Variants in HMGCLL1 observed in about 807,000 individuals in gnomAD.
HMGCLL1 encodes the protein 3-hydroxymethyl-3-methylglutaryl-CoA lyase, cytoplasmic.
Under a neutral mutation model 39.1 loss-of-function variants are expected in HMGCLL1, and 36 were observed. The ratio of observed to expected loss-of-function variants is 0.92; its 90% CI spans 0.71 to 1.22. HMGCLL1 has a LOEUF of 1.22. Among genes scored for constraint, HMGCLL1 ranks in the 50% most tolerant of loss-of-function variants. HMGCLL1 has a pLI of 0.00. For missense variants in HMGCLL1, 451 were observed against 416.5 expected (o/e 1.08, Z -0.72); for synonymous variants, 149 against 144.0 (o/e 1.03, Z -0.25).
intron 6 of HMGCLL1, among the ~76,000 whole-genome samples, chr6:55,497,536 T>C (rs2127425180): frequency 6.6e-6 from 1 of 152,258 alleles, no homozygotes; most frequent in African/African-American, 2.4e-5. Flanking sequence ...CTCATGTTAT[T>C]ACAGATCCTG....
the HMGCLL1 span, among the ~76,000 whole-genome samples, chr6:55,662,117 A>C: frequency 2.2e-3 from 331 of 151,942 alleles, 3 homozygotes; most frequent in African/African-American, 7.6e-3. Context: ...CAGATATAGA[A>C]TCATGTTGTC....
chr6:55,660,734 G>C, the HMGCLL1 span, among the ~76,000 whole-genome samples: 1 of 151,868 alleles, frequency 6.6e-6, no homozygotes, highest in African/African-American at 2.4e-5. Flanking sequence ...TATATAACCT[G>C]TAATGGGATT....
chr6:55,549,860 C>T lies in HMGCLL1; in HGVS notation c.109-7720G>A, dbSNP rs369295635. Among the ~76,000 whole-genome samples the T allele has an allele frequency of 3.8e-4, 58 of 151,944 alleles. 1 individual carries two copies. The Middle Eastern group carries it at 0.017, about 45-fold the overall frequency. ...TATGAGTTTTCAGCTTTATAATACA[C>T]TCTATTAAGCACAGTAAGACTACTC... On this transcript the variant is annotated intron_variant, in intron 1 of 8. Coordinates refer to ENST00000274901, the MANE Select transcript of HMGCLL1 (RefSeq NM_001042406.2).
At chr6:55,476,565 A>T (rs1765295720) in intron 7 of HMGCLL1, among the ~76,000 whole-genome samples, 1 of 151,410 alleles carries the variant, frequency 6.6e-6, no homozygotes, top group South Asian at 2.1e-4. Flanking sequence ...TCCTTTCCTT[A>T]TTGCACTGGC....
At chr6:55,498,165 G>A (rs1442190059) in intron 6 of HMGCLL1, among the ~76,000 whole-genome samples, 1 of 152,160 alleles carries the variant, frequency 6.6e-6, no homozygotes, top group African/African-American at 2.4e-5. Flanking sequence ...AAGGAAGAAA[G>A]CAAGTCTGCT....
At chr6:55,612,968 A>G in the HMGCLL1 span, among the ~76,000 whole-genome samples, 2 of 152,244 alleles carry the variant, frequency 1.3e-5, no homozygotes, top group African/African-American at 4.8e-5. Flanking sequence ...ATTAAACTAA[A>G]GAGCTTCTGC....
the HMGCLL1 span, among the ~76,000 whole-genome samples, chr6:55,641,802 C>T: frequency 6.6e-6 from 1 of 151,408 alleles, no homozygotes; most frequent in South Asian, 2.1e-4. Context: ...ATGGCTAAAA[C>T]AATCCTTGTA....
chr6:55,499,678 A>T (rs764123840), intron 5 of HMGCLL1, among the ~76,000 whole-genome samples: 1 of 152,080 alleles, frequency 6.6e-6, no homozygotes. Context: ...TTGGAAACAT[A>T]CAAGGAGATC....
intron 3 of HMGCLL1, among the ~76,000 whole-genome samples, chr6:55,538,076 C>T (rs888386884): frequency 4.6e-5 from 7 of 151,996 alleles, no homozygotes; most frequent in Non-Finnish European, 7.4e-5. Flanking sequence ...ATTATTTCTG[C>T]CTTATCCTTC....
In HMGCLL1 at chr6:55,495,513, T is replaced by G; in HGVS notation, c.701A>C (p.Glu234Ala). ...TGGTGGGATTTCTTTCATCACACTT[T>G]CCAACATTCTTTTCATACTTCCTGG... ...GTPGSMKRML[E>A]SVMKEIPPGA... Residue 234 changes from glutamate (E) to alanine (A), a missense_variant, in exon 7 of 9, where the codon GAA becomes GCA. Transcript: ENST00000274901. The G allele has an allele frequency of 6.2e-7, 1 of 1,613,954 alleles. No individual in the cohort carries two copies. The highest frequency in any genetic ancestry group is 8.5e-7 in the Non-Finnish European group (1 of 1,179,874).
At chr6:55,647,745 C>CTTTTTTTTTTTTTTTTTTTTTT in the HMGCLL1 span, among the ~76,000 whole-genome samples, 45 of 115,848 alleles carry the variant, frequency 3.9e-4, no homozygotes, top group African/African-American at 5.9e-4. Context: ...TTTTTTTTTC[C>CTTTTTTTTTTTTTTTTTTTTTT]TTTTTTTTTT....
the HMGCLL1 span, among the ~76,000 whole-genome samples, chr6:55,621,369 G>A: frequency 6.6e-6 from 1 of 152,024 alleles, no homozygotes; most frequent in Non-Finnish European, 1.5e-5. Flanking sequence ...TTAGAAACTG[G>A]GCAACACAAC....
intron 7 of HMGCLL1, among the ~76,000 whole-genome samples, chr6:55,489,175 G>A (rs1252867422): frequency 3.3e-5 from 5 of 151,866 alleles, no homozygotes; most frequent in East Asian, 1.9e-4. Flanking sequence ...AGAAAAAATT[G>A]AAAATAAACA....
intron 8 of HMGCLL1, among the ~76,000 whole-genome samples, chr6:55,436,825 G>T (rs1358107924): frequency 6.6e-6 from 1 of 151,928 alleles, no homozygotes; most frequent in Non-Finnish European, 1.5e-5. Flanking sequence ...TTTGTAAAGT[G>T]ATACTTGTAA....
chr6:55,489,162 G>A (rs1462933951), intron 7 of HMGCLL1, among the ~76,000 whole-genome samples: 1 of 151,978 alleles, frequency 6.6e-6, no homozygotes, highest in Non-Finnish European at 1.5e-5. Flanking sequence ...GAACTTTCAA[G>A]TGAGAAAAAA....
intron 1 of HMGCLL1, among the ~76,000 whole-genome samples, chr6:55,549,138 G>T (rs1428011573): frequency 1.2e-5 from 1 of 85,066 alleles, no homozygotes; most frequent in African/African-American, 3.6e-5. Flanking sequence ...ACCTATAGGT[G>T]TTTCATTACA....
chr6:55,497,535 T>A (rs890242003), intron 6 of HMGCLL1, among the ~76,000 whole-genome samples: 5 of 152,112 alleles, frequency 3.3e-5, no homozygotes, highest in African/African-American at 1.2e-4. Flanking sequence ...GCTCATGTTA[T>A]TACAGATCCT....
At chr6:55,642,400 A>G in the HMGCLL1 span, among the ~76,000 whole-genome samples, 1 of 151,980 alleles carries the variant, frequency 6.6e-6, no homozygotes, top group East Asian at 1.9e-4. Context: ...CTTTTAATGG[A>G]CTGATTAACA....
At chr6:55,485,239 T>G (rs2127416123) in intron 7 of HMGCLL1, among the ~76,000 whole-genome samples, 1 of 152,222 alleles carries the variant, frequency 6.6e-6, no homozygotes, top group African/African-American at 2.4e-5. Flanking sequence ...TTACTGCACT[T>G]TCTCTATTTT....
Sources: allele counts gnomAD v4.1 joint callset (sites outside exome capture counted in the v4.1 genomes callset), GRCh38; gene constraint gnomAD v4.1.1; transcripts MANE v1.5; gene names NCBI Gene and HGNC (gene_info 2026-07-23, HGNC 2026-07-21).